Variants in GPHN observed in about 807,000 individuals in gnomAD.
GPHN encodes the protein gephyrin.
In GPHN, 17 loss-of-function variants were observed where a neutral mutation model predicts 95.5. The observed-to-expected ratio is 0.18, with a 90% CI of 0.12 to 0.27. The LOEUF is 0.27. GPHN is among the 10% of genes least tolerant of loss of function. GPHN has a pLI of 1.00. For synonymous variants in GPHN, 320 were observed against 322.5 expected, an observed-to-expected ratio of 0.99 and a Z score of 0.08; for missense variants, 660 against 978.1, an observed-to-expected ratio of 0.67 and a Z score of 4.34.
rs117827529 is a variant in GPHN, at chr14:66,852,205, T to C, written c.294+27639T>C. On this transcript the variant is annotated intron_variant, in intron 4 of 22. Coordinates refer to ENST00000478722, the MANE Select transcript of GPHN (RefSeq NM_020806.5). ...GAGAATAAATTAATAAAAATCTTTA[T>C]GGATAATCTGAAGGAAACTTGGCAA... is the stretch of plus-strand genomic sequence containing the variant. 3.9e-5 allele frequency among the ~76,000 whole-genome samples: 6 copies of C among 152,378 alleles called. No individual in the cohort carries two copies. In the East Asian group the frequency reaches 1.2e-3, roughly 29 times the overall value.
chr14:66,789,056 C>G (rs983600864), intron 3 of GPHN, among the ~76,000 whole-genome samples: 1 of 152,200 alleles, frequency 6.6e-6, no homozygotes, highest in African/African-American at 2.4e-5. Flanking sequence ...GATCAGTGTT[C>G]TGAGACAACC....
At chr14:67,129,041 T>C (rs1388451145) in intron 17 of GPHN, among the ~76,000 whole-genome samples, 1 of 151,952 alleles carries the variant, frequency 6.6e-6, no homozygotes, top group Non-Finnish European at 1.5e-5. Flanking sequence ...CTCAAACTCC[T>C]GACCTCAGGT....
chr14:67,650,402 C>A, the GPHN span: 1 of 329,390 alleles, frequency 3.0e-6, no homozygotes, highest in South Asian at 4.1e-5. Flanking sequence ...GGATGAAAAC[C>A]TCCCCCACCC....
Position 67,119,077 on chromosome 14 carries a change from G to A in GPHN, c.1627-3179G>A, listed in dbSNP as rs147294674. 2.5e-4 allele frequency among the ~76,000 whole-genome samples: 38 copies of A among 152,274 alleles called. No individual in the cohort carries two copies. The East Asian group carries it at 5.6e-3, about 22-fold the overall frequency. On this transcript the variant is annotated intron_variant, in intron 16 of 22. Transcript: ENST00000478722. Reference sequence around the variant, plus strand: ...ATTGGTCGGAATTTGTAAAATAGGTGAATTGGTGGATCACAGTCAGTCTTA... The same window carrying A: ...ATTGGTCGGAATTTGTAAAATAGGTAAATTGGTGGATCACAGTCAGTCTTA...
At chr14:67,174,147 T>C (rs911148706) in intron 21 of GPHN, among the ~76,000 whole-genome samples, 2 of 152,238 alleles carry the variant, frequency 1.3e-5, no homozygotes, top group African/African-American at 4.8e-5. Context: ...TAGGTATACA[T>C]GTGCCATGTT....
At chr14:66,896,952 G>A (rs1427745719) in intron 5 of GPHN, among the ~76,000 whole-genome samples, 2 of 152,018 alleles carry the variant, frequency 1.3e-5, no homozygotes, top group African/African-American at 2.4e-5. Context: ...TGATAAACAT[G>A]TATACCTTCA....
chr14:67,200,303 G>T, the GPHN span: 4 of 670,038 alleles, frequency 6.0e-6, no homozygotes, highest in African/African-American at 5.7e-5. Context: ...CTCGAGGCCC[G>T]CTTTGGAGCC....
chr14:67,518,861 A>T, the GPHN span, among the ~76,000 whole-genome samples: 1 of 152,252 alleles, frequency 6.6e-6, no homozygotes, highest in Non-Finnish European at 1.5e-5. Flanking sequence ...CAGCCCGATC[A>T]GAAAGGGTCT....
At chr14:67,242,679 A>T in the GPHN span, among the ~76,000 whole-genome samples, 9 of 151,094 alleles carry the variant, frequency 6.0e-5, no homozygotes, top group Non-Finnish European at 8.9e-5. Context: ...GATAGGTTTT[A>T]TAGGCTTTCT....
the GPHN span, chr14:67,684,828 A>G: frequency 2.2e-6 from 1 of 462,976 alleles, no homozygotes; most frequent in South Asian, 5.0e-5. Flanking sequence ...AAAAGATGGC[A>G]TAAAATCAAA....
chr14:67,403,291 G>A, the GPHN span, among the ~76,000 whole-genome samples: 1 of 152,108 alleles, frequency 6.6e-6, no homozygotes, highest in South Asian at 2.1e-4. Context: ...GTCAAACATG[G>A]GAAAACAAGA....
chr14:66,707,595 C>G (rs548686313), intron 2 of GPHN, among the ~76,000 whole-genome samples: 3 of 152,184 alleles, frequency 2.0e-5, no homozygotes, highest in East Asian at 3.9e-4. Flanking sequence ...TGTTCTCACT[C>G]TTAAGTGGGT....
At chr14:67,399,413 C>G in the GPHN span, among the ~76,000 whole-genome samples, 1 of 144,396 alleles carries the variant, frequency 6.9e-6, no homozygotes, top group African/African-American at 2.6e-5. Flanking sequence ...TCTCAGGTGG[C>G]AGGAATAAAG....
the GPHN span, among the ~76,000 whole-genome samples, chr14:67,712,487 A>C: frequency 7.2e-6 from 1 of 138,188 alleles, no homozygotes; most frequent in African/African-American, 2.7e-5. Context: ...GAGAAGAAAA[A>C]ACTTGCAAAA....
chr14:67,047,659 C>T (rs1371182250), intron 10 of GPHN, among the ~76,000 whole-genome samples: 1 of 152,120 alleles, frequency 6.6e-6, no homozygotes, highest in Admixed American at 6.5e-5. Context: ...AGCCATTGCA[C>T]CCGACCCATT....
At chr14:67,561,408 G>A in the GPHN span, among the ~76,000 whole-genome samples, 20,123 of 152,048 alleles carry the variant, frequency 0.13, 1,605 homozygotes, top group East Asian at 0.27. Flanking sequence ...AAAATTAGCC[G>A]GGCATAGTGG....
In GPHN at chr14:67,181,221, T is replaced by C; in HGVS notation, c.*284T>C. ...TAGGTCTGATAGCGATAGCTTTTAG[T>C]AGACAGCGGTAGGTGCCTGCAGAAC... On this transcript the variant is annotated 3_prime_UTR_variant, in exon 23 of 23. Transcript: ENST00000478722. The C allele has an allele frequency of 2.0e-6, 1 of 490,412 alleles. No homozygotes were observed. Among genetic ancestry groups the C allele is most frequent in the Non-Finnish European group, 3.7e-6 (1 of 268,626 alleles). 30.4% of individuals were successfully genotyped at this position (490,412 alleles called of 1,614,324 possible). A position where few individuals can be genotyped will look rare whatever the true frequency, so the allele number is the denominator to read the frequency against.
At chr14:66,580,806 T>C (rs1019565076) in intron 1 of GPHN, among the ~76,000 whole-genome samples, 13 of 151,688 alleles carry the variant, frequency 8.6e-5, no homozygotes, top group African/African-American at 3.1e-4. Context: ...GAGAGAAAAC[T>C]TCAAACTCAT....
the GPHN span, among the ~76,000 whole-genome samples, chr14:67,673,646 T>C: frequency 7.6e-4 from 116 of 152,346 alleles, no homozygotes; most frequent in Non-Finnish European, 1.2e-3. Flanking sequence ...GAGTAATTCG[T>C]TGAGCAAACA....
Sources: allele counts gnomAD v4.1 joint callset (sites outside exome capture counted in the v4.1 genomes callset), GRCh38; gene constraint gnomAD v4.1.1; transcripts MANE v1.5; gene names NCBI Gene and HGNC (gene_info 2026-07-23, HGNC 2026-07-21).